CLSTN2: variants seen among roughly 807,000 people sequenced by gnomAD.
CLSTN2 encodes the protein calsyntenin 2, also known as calsyntenin-2.
A neutral mutation model predicts 101.2 loss-of-function variants in CLSTN2; 48 were observed. The observed-to-expected ratio is 0.47, with a 90% CI of 0.38 to 0.60. The LOEUF (loss-of-function observed/expected upper bound fraction) is 0.60, where lower values mean the gene tolerates loss of function less well. Ranked by LOEUF, CLSTN2 falls within the 20% of genes least tolerant of loss-of-function variation. The pLI, the probability that CLSTN2 is intolerant of heterozygous loss-of-function variation, is 0.00. For missense variants in CLSTN2, 1,160 were observed against 1,238.2 expected (o/e 0.94, Z 0.95); for synonymous variants, 481 against 463.6 (o/e 1.04, Z -0.48).
chr3:140,534,270 G>T (rs1935317272), intron 9 of CLSTN2, among the ~76,000 whole-genome samples: 1 of 152,038 alleles, frequency 6.6e-6, no homozygotes. Flanking sequence ...CCCTAATCAT[G>T]TCCCCTTCCA....
intron 2 of CLSTN2, among the ~76,000 whole-genome samples, chr3:140,231,844 CT>C (rs1186483190): frequency 6.6e-6 from 1 of 152,170 alleles, no homozygotes; most frequent in East Asian, 1.9e-4. Flanking sequence ...TCAATTCAAG[CT>C]GTGTAGTGTA....
intron 1 of CLSTN2, among the ~76,000 whole-genome samples, chr3:140,151,372 C>T (rs903630737): frequency 1.3e-5 from 2 of 151,930 alleles, no homozygotes; most frequent in African/African-American, 4.8e-5. Flanking sequence ...GGGGTGAAGA[C>T]AGAGCAGGGA....
intron 2 of CLSTN2, among the ~76,000 whole-genome samples, chr3:140,357,559 C>T (rs1006475412): frequency 2.0e-5 from 3 of 152,208 alleles, no homozygotes; most frequent in Non-Finnish European, 4.4e-5. Flanking sequence ...GGAGTGCTCA[C>T]TTTAGCACTC....
At chr3:140,459,077 C>A (rs1418704090) in intron 6 of CLSTN2, among the ~76,000 whole-genome samples, 1 of 152,168 alleles carries the variant, frequency 6.6e-6, no homozygotes, top group Non-Finnish European at 1.5e-5. Context: ...GTCTGACTCA[C>A]CTTCATAGAG....
chr3:140,479,898 A>G (rs1934075799), intron 8 of CLSTN2, among the ~76,000 whole-genome samples: 1 of 152,196 alleles, frequency 6.6e-6, no homozygotes, highest in African/African-American at 2.4e-5. Context: ...AAAGAAAGCA[A>G]TACCTAATCA....
At chr3:140,257,016 C>T (rs570259426) in intron 2 of CLSTN2, among the ~76,000 whole-genome samples, 1 of 152,068 alleles carries the variant, frequency 6.6e-6, no homozygotes, top group Admixed American at 6.6e-5. Context: ...AGGCCGGGCG[C>T]GATGGCTCAC....
chr3:140,158,838 C>T (rs752665271), intron 1 of CLSTN2, among the ~76,000 whole-genome samples: 16 of 152,128 alleles, frequency 1.1e-4, no homozygotes, highest in Non-Finnish European at 1.9e-4. Flanking sequence ...GACACATGGA[C>T]GAATGGAACA....
chr3:140,563,943 G>GT lies in CLSTN2; in HGVS notation c.2483-12dup. 1 of 1,612,098 alleles carries GT rather than the reference G, an allele frequency of 6.2e-7. No homozygotes were observed. The highest frequency in any genetic ancestry group is 8.5e-7 in the Non-Finnish European group (1 of 1,178,412). On this transcript the variant is annotated splice_polypyrimidine_tract_variant and intron_variant, in intron 15 of 16. Transcript: ENST00000458420. ...GGCCTTTGTTCACCATGTCATGCGAGTTTTTTCCTTGTTCCAGTGGTCCCA... is the reference window on the plus strand; with the variant it reads ...GGCCTTTGTTCACCATGTCATGCGAGTTTTTTTCCTTGTTCCAGTGGTCCCA...
chr3:140,334,918 G>GTCA (rs1270819248), intron 2 of CLSTN2, among the ~76,000 whole-genome samples: 1 of 152,190 alleles, frequency 6.6e-6, no homozygotes, highest in Non-Finnish European at 1.5e-5. Flanking sequence ...GGAATGTGCG[G>GTCA]TCATCGTTAC....
At chr3:140,096,218 G>T (rs1380408769) in intron 1 of CLSTN2, among the ~76,000 whole-genome samples, 1 of 152,038 alleles carries the variant, frequency 6.6e-6, no homozygotes, top group East Asian at 1.9e-4. Context: ...GCTGTCCCCA[G>T]CTCCCCAAAC....
intron 1 of CLSTN2, among the ~76,000 whole-genome samples, chr3:140,068,243 G>A (rs529883270): frequency 1.3e-5 from 2 of 152,360 alleles, no homozygotes; most frequent in Admixed American, 6.5e-5. Context: ...AGGGCCTGGA[G>A]CCACTGTTTC....
At chr3:140,029,424 A>G (rs879396556) in intron 1 of CLSTN2, among the ~76,000 whole-genome samples, 1 of 152,192 alleles carries the variant, frequency 6.6e-6, no homozygotes, top group Non-Finnish European at 1.5e-5. Flanking sequence ...TTAGGTCTGT[A>G]AAGGAGGCTG....
chr3:140,184,274 T>G (rs1316315504), intron 2 of CLSTN2, among the ~76,000 whole-genome samples: 1 of 152,216 alleles, frequency 6.6e-6, no homozygotes, highest in Non-Finnish European at 1.5e-5. Context: ...TTCACACTGC[T>G]ATGTAAAGAA....
chr3:140,259,410 G>GTTGCAATGAGCTGAGA (rs1559821713), intron 2 of CLSTN2, among the ~76,000 whole-genome samples: 1 of 152,024 alleles, frequency 6.6e-6, no homozygotes, highest in East Asian at 1.9e-4. Flanking sequence ...GGAGGCAGAG[G>GTTGCAATGAGCTGAGA]TTGCAATGAG....
chr3:140,157,841 T>C (rs2009980664), intron 1 of CLSTN2, among the ~76,000 whole-genome samples: 2 of 152,202 alleles, frequency 1.3e-5, no homozygotes, highest in African/African-American at 2.4e-5. Context: ...ATTCCTGGGA[T>C]GCAAGGCTGG....
chr3:140,509,533 GC>G (rs1388253621), intron 8 of CLSTN2, among the ~76,000 whole-genome samples: 2 of 152,148 alleles, frequency 1.3e-5, no homozygotes, highest in Non-Finnish European at 2.9e-5. Flanking sequence ...CTTTTCCAAA[GC>G]ATTTTTTACT....
At chr3:140,015,842 C>T (rs2007189485) in intron 1 of CLSTN2, among the ~76,000 whole-genome samples, 2 of 152,248 alleles carry the variant, frequency 1.3e-5, no homozygotes, top group South Asian at 4.1e-4. Context: ...CTGTCAGCCT[C>T]TGCTCCACCT....
Position 140,421,157 on chromosome 3 carries a change from G to C in CLSTN2, c.670G>C (p.Asp224His). Reference sequence around the variant, plus strand: ...CAGGAACACTGAGAAGCTGAGCTATGACAAACAACACCAGTATGAGATCCT... The same window carrying C: ...CAGGAACACTGAGAAGCTGAGCTATCACAAACAACACCAGTATGAGATCCT... ...NIRNTEKLSY[D>H]KQHQYEILVT... The change falls in exon 5 of 17, where the codon GAC becomes CAC. Residue 224 changes from aspartate to histidine, a missense_variant. Transcript: ENST00000458420. 1 of 1,614,132 alleles carries C rather than the reference G, an allele frequency of 6.2e-7. No individual in the cohort carries two copies. Among genetic ancestry groups the C allele is most frequent in the Non-Finnish European group, 8.5e-7 (1 of 1,179,996 alleles).
At chr3:140,133,765 C>T (rs193011153) in intron 1 of CLSTN2, among the ~76,000 whole-genome samples, 4 of 152,310 alleles carry the variant, frequency 2.6e-5, no homozygotes, top group Admixed American at 2.6e-4. Flanking sequence ...CAATGCAGTG[C>T]AGCAAAACCA....
Sources: allele counts gnomAD v4.1 joint callset (sites outside exome capture counted in the v4.1 genomes callset), GRCh38; gene constraint gnomAD v4.1.1; transcripts MANE v1.5; gene names NCBI Gene and HGNC (gene_info 2026-07-23, HGNC 2026-07-21).